The following DACH1 variants were observed in gnomAD, a reference collection of about 807,000 sequenced individuals.
The protein encoded by DACH1 is dachshund family transcription factor 1, also known as dachshund homolog 1.
DACH1 carries 12 observed loss-of-function variants against 54.2 expected under a neutral mutation model. That is an observed-to-expected ratio of 0.22 (90% CI 0.14 to 0.36). The LOEUF (loss-of-function observed/expected upper bound fraction) is 0.36. Ranked by LOEUF, DACH1 falls within the 10% of genes least tolerant of loss-of-function variation. The pLI is 1.00. For synonymous variants in DACH1, 386 were observed against 366.2 expected (o/e 1.05, Z -0.62); for missense variants, 805 against 929.8 (o/e 0.87, Z 1.75).
chr13:71,529,203 T>C (rs1302250975), intron 6 of DACH1, among the ~76,000 whole-genome samples: 1 of 149,090 alleles, frequency 6.7e-6, no homozygotes, highest in African/African-American at 2.5e-5. Context: ...TTTTTTTTTT[T>C]TGAGGCAGAA....
intron 1 of DACH1, among the ~76,000 whole-genome samples, chr13:71,713,331 C>A (rs1018020814): frequency 3.3e-5 from 5 of 152,074 alleles, no homozygotes; most frequent in African/African-American, 1.2e-4. Context: ...GAATTTATTT[C>A]TATTGTTTCA....
intron 10 of DACH1, among the ~76,000 whole-genome samples, chr13:71,454,921 A>G (rs928110866): frequency 1.3e-5 from 2 of 152,218 alleles, no homozygotes; most frequent in Non-Finnish European, 2.9e-5. Flanking sequence ...CGTGATAGAA[A>G]AGATGTTCTG....
intron 2 of DACH1, among the ~76,000 whole-genome samples, chr13:71,672,563 T>C (rs1172476952): frequency 6.6e-6 from 1 of 152,138 alleles, no homozygotes; most frequent in Non-Finnish European, 1.5e-5. Context: ...AGTTGAAGCT[T>C]TGAGGCTAGC....
intron 1 of DACH1, among the ~76,000 whole-genome samples, chr13:71,804,704 G>A (rs908018601): frequency 6.6e-6 from 1 of 152,094 alleles, no homozygotes; most frequent in Non-Finnish European, 1.5e-5. Flanking sequence ...TAAGGTACTA[G>A]TCAAAGTTTG....
At chr13:71,665,090 C>A (rs554269928) in intron 2 of DACH1, among the ~76,000 whole-genome samples, 5 of 151,978 alleles carry the variant, frequency 3.3e-5, no homozygotes, top group Admixed American at 2.0e-4. Context: ...GGTAAAGTAG[C>A]ATGCTTGGGA....
chr13:71,776,409 T>C (rs1886067354), intron 1 of DACH1, among the ~76,000 whole-genome samples: 2 of 152,132 alleles, frequency 1.3e-5, no homozygotes, highest in African/African-American at 4.8e-5. Flanking sequence ...AGTTTATTAA[T>C]TTTGGAAATA....
intron 1 of DACH1, among the ~76,000 whole-genome samples, chr13:71,777,927 G>A (rs1371595308): frequency 1.3e-5 from 2 of 151,550 alleles, no homozygotes; most frequent in Non-Finnish European, 2.9e-5. Context: ...GACCAGCCTG[G>A]GTAAAATGGT....
chr13:71,563,346 G>A (rs1884709156), intron 4 of DACH1, among the ~76,000 whole-genome samples: 1 of 151,856 alleles, frequency 6.6e-6, no homozygotes, highest in Admixed American at 6.6e-5. Flanking sequence ...TCTCTAAAAT[G>A]ATTTTGCAAG....
At position 71,831,634 on chromosome 13, in the gene DACH1, T is replaced by G. The variant is rs138140333; in HGVS notation, c.848+34288A>C. On this transcript the variant is annotated intron_variant, in intron 1 of 10. Coordinates refer to ENST00000613252, the MANE Select transcript of DACH1 (RefSeq NM_080759.6). ...TAATAATCTATCACAAAATCATGAT[T>G]AATTTTCTACCACCATGCTACATAC... 1.4e-3 allele frequency among the ~76,000 whole-genome samples: 216 copies of G among 152,072 alleles called. 1 individual carries two copies. The highest frequency in any genetic ancestry group is 5.1e-3 in the African/African-American group (210 of 41,536).
chr13:71,856,600 C>G (rs975083779), intron 1 of DACH1, among the ~76,000 whole-genome samples: 2 of 151,772 alleles, frequency 1.3e-5, no homozygotes, highest in African/African-American at 4.8e-5. Flanking sequence ...ATACTGTGTA[C>G]AAGGTTTTAT....
At chr13:71,725,496 G>T (rs1314435920) in intron 1 of DACH1, among the ~76,000 whole-genome samples, 1 of 151,996 alleles carries the variant, frequency 6.6e-6, no homozygotes, top group African/African-American at 2.4e-5. Flanking sequence ...GAGTAAAGTT[G>T]ATGAAACTAT....
intron 1 of DACH1, among the ~76,000 whole-genome samples, chr13:71,811,484 T>C (rs1887708464): frequency 6.6e-6 from 1 of 152,190 alleles, no homozygotes; most frequent in Non-Finnish European, 1.5e-5. Flanking sequence ...AATAAAGCTC[T>C]CTGAGAGCTG....
In DACH1 at chr13:71,557,218, G is replaced by T. The variant is rs1001620326; in HGVS notation, c.1436-60C>A. The T allele has an allele frequency of 9.5e-6, 14 of 1,478,456 alleles. No individual in the cohort carries two copies. The African/African-American group carries it at 1.6e-4, about 17-fold the overall frequency. 91.6% of individuals were successfully genotyped at this position (1,478,456 alleles called of 1,614,324 possible). Reference sequence around the variant, plus strand: ...ACACAAAAACACCATAACACACAAGGTTCCAATAAGTCAATTAAACTCTCT... The same window carrying T: ...ACACAAAAACACCATAACACACAAGTTTCCAATAAGTCAATTAAACTCTCT... On this transcript the variant is annotated intron_variant, in intron 5 of 10. Transcript: ENST00000613252.
chr13:71,697,690 G>T lies in DACH1; in HGVS notation c.849-15780C>A, dbSNP rs73523436. On this transcript the variant is annotated intron_variant, in intron 1 of 10. Transcript: ENST00000613252. ...TTTTAATTATATTATTTAGTCCAGG[G>T]TTCTAGATTATCAAAAATAAACCAC... Among the ~76,000 whole-genome samples, 1,148 of 152,060 alleles carry T rather than the reference G, an allele frequency of 7.5e-3. 21 individuals are homozygous for T. Among genetic ancestry groups the T allele is most frequent in the African/African-American group, 0.026 (1,086 of 41,488 alleles).
chr13:71,475,075 C>T lies in DACH1; in HGVS notation c.2083+66G>A, dbSNP rs902221191. 76 of 1,418,498 alleles carry T rather than the reference C, an allele frequency of 5.4e-5. No homozygotes were observed. The Middle Eastern group carries it at 8.7e-4, about 16-fold the overall frequency. 87.9% of individuals were successfully genotyped at this position (1,418,498 alleles called of 1,614,324 possible). A position where few individuals can be genotyped will look rare whatever the true frequency, so the allele number is the denominator to read the frequency against. ...GATGGTAGGCTACATGCTTGAATAG[C>T]AGGCTAAAGCTGAGGAAAAACTCAT... On this transcript the variant is annotated intron_variant, in intron 10 of 10. Coordinates refer to ENST00000613252, the MANE Select transcript of DACH1 (RefSeq NM_080759.6).
intron 3 of DACH1, among the ~76,000 whole-genome samples, chr13:71,591,789 C>A (rs1170997396): frequency 6.6e-6 from 1 of 152,104 alleles, no homozygotes; most frequent in African/African-American, 2.4e-5. Context: ...GTATTTAGAA[C>A]ATCCAGGTTA....
intron 3 of DACH1, among the ~76,000 whole-genome samples, chr13:71,600,604 C>A (rs527995499): frequency 2.0e-5 from 3 of 151,878 alleles, no homozygotes; most frequent in African/African-American, 7.2e-5. Context: ...AAAATAAGCA[C>A]AATAAAAATC....
chr13:71,474,159 A>G (rs1193482135), intron 10 of DACH1, among the ~76,000 whole-genome samples: 1 of 152,170 alleles, frequency 6.6e-6, no homozygotes, highest in African/African-American at 2.4e-5. Context: ...TAGGCAAAAA[A>G]AAATCCATTC....
At chr13:71,756,004 A>G (rs1341175174) in intron 1 of DACH1, among the ~76,000 whole-genome samples, 2 of 152,080 alleles carry the variant, frequency 1.3e-5, no homozygotes, top group Non-Finnish European at 2.9e-5. Context: ...AAATTTAAAG[A>G]CTAAAATGCG....
Sources: allele counts gnomAD v4.1 joint callset (sites outside exome capture counted in the v4.1 genomes callset), GRCh38; gene constraint gnomAD v4.1.1; transcripts MANE v1.5; gene names NCBI Gene and HGNC (gene_info 2026-07-23, HGNC 2026-07-21).